The following SALL3 variants were observed in gnomAD, a reference collection of about 807,000 sequenced individuals.
SALL3 encodes sal-like protein 3.
In SALL3, 25 loss-of-function variants were observed where a neutral mutation model predicts 66.2. The ratio of observed to expected loss-of-function variants is 0.38; its 90% confidence interval spans 0.28 to 0.53. The LOEUF is 0.53. Among genes scored for constraint, SALL3 ranks in the 20% least tolerant of loss-of-function variants. SALL3 has a pLI of 0.85. For missense variants in SALL3, 2,194 were observed against 1,916.5 expected, an observed-to-expected ratio of 1.14 and a Z score of -2.70; for synonymous variants, 1,152 against 899.1, an observed-to-expected ratio of 1.28 and a Z score of -5.03.
At position 78,979,954 on chromosome 18, in the gene SALL3, C is replaced by G. The variant is rs1462775341; in HGVS notation, c.-321C>G. Among the ~76,000 whole-genome samples the G allele has an allele frequency of 6.9e-6, 1 of 144,604 alleles. No homozygotes were observed. The highest frequency in any genetic ancestry group is 1.5e-5 in the Non-Finnish European group (1 of 65,148). The allele number at this position is 144,604 out of a possible 152,430, so 94.9% of individuals were successfully genotyped here. ...CCGAGGAGCGCGGCGCCGGAGCCCGCGATGTGAGGCGGCGCCGGGCAGCGC... is the reference window on the plus strand; with the variant it reads ...CCGAGGAGCGCGGCGCCGGAGCCCGGGATGTGAGGCGGCGCCGGGCAGCGC... On this transcript the variant is annotated 5_prime_UTR_variant, in exon 1 of 3. Coordinates refer to ENST00000537592, the MANE Select transcript of SALL3 (RefSeq NM_171999.4).
In SALL3 at chr18:78,996,878, G is replaced by A. The variant is rs369235099; in HGVS notation, c.3472-13G>A. On this transcript the variant is annotated splice_polypyrimidine_tract_variant and intron_variant, in intron 2 of 2. Transcript: ENST00000537592. ...AGGCACTTACTCGTGGGCTGTCTCC[G>A]TGTCTCGCGCAGGTGCACATGGGGA... The A allele has an allele frequency of 8.9e-5, 142 of 1,592,930 alleles. No individual in the cohort carries two copies. The highest frequency in any genetic ancestry group is 3.9e-4 in the Middle Eastern group (2 of 5,118).
Position 78,993,368 on chromosome 18 carries a change from C to A in SALL3, c.1377C>A (p.Thr459=), listed in dbSNP as rs752862996. 1 of 1,612,630 alleles carries A rather than the reference C, an allele frequency of 6.2e-7. No individual in the cohort carries two copies. Among genetic ancestry groups the A allele is most frequent in the Non-Finnish European group, 8.5e-7 (1 of 1,179,854 alleles). ...ACATCTGCGGGAACCGCTTCTCCACCAAAGGCAACCTGAAGGTGCACTTCC... is the reference window on the plus strand; with the variant it reads ...ACATCTGCGGGAACCGCTTCTCCACAAAAGGCAACCTGAAGGTGCACTTCC... The part of the protein sequence containing the change: ...KCNICGNRFS[T]KGNLKVHFQR... The change falls in exon 2 of 3, where the codon ACC becomes ACA. Residue 459 remains threonine (T), a synonymous_variant. Coordinates refer to ENST00000537592, the MANE Select transcript of SALL3 (RefSeq NM_171999.4).
At position 78,992,601 on chromosome 18, in the gene SALL3, C is replaced by A. The variant is rs1184899701; in HGVS notation, c.610C>A (p.Leu204Met). ...GGGVAAAAVP[L>M]ILEQLMALQQ... is the part of the protein sequence containing the mutation. ...AGGCGTGGCAGCTGCAGCCGTGCCC[C>A]TGATCCTGGAACAGCTCATGGCCCT... Residue 204 changes from leucine to methionine, a missense_variant, in exon 2 of 3, where the codon CTG (leucine) becomes ATG (methionine). Physicochemically the swap from Leu to Met is conservative, Grantham distance 15. Coordinates refer to ENST00000537592, the MANE Select transcript of SALL3 (RefSeq NM_171999.4). 1.3e-6 allele frequency: 2 copies of A among 1,541,964 alleles called. No homozygotes were observed. The highest frequency in any genetic ancestry group is 1.2e-5 in the South Asian group (1 of 86,106).
Position 78,994,241 on chromosome 18 carries a change from C to A in SALL3, c.2250C>A (p.Asn750Lys). 6.2e-7 allele frequency: 1 copy of A among 1,613,752 alleles called. No homozygotes were observed. Among genetic ancestry groups the A allele is most frequent in the Non-Finnish European group, 8.5e-7 (1 of 1,179,998 alleles). Residue 750 changes from asparagine to lysine, a missense_variant, in exon 2 of 3, where the codon AAC (asparagine) becomes AAA (lysine). Coordinates refer to ENST00000537592, the MANE Select transcript of SALL3 (RefSeq NM_171999.4). The stretch of plus-strand genomic sequence containing the variant: ...CCATCTGCCAGAAGAAGTTCACCAA[C>A]GCCGTGGTCCTGCAGCAGCACATCC... Reference protein sequence around the residue: ...SCPICQKKFTNAVVLQQHIRM... With the variant: ...SCPICQKKFTKAVVLQQHIRM...
intron 1 of SALL3, among the ~76,000 whole-genome samples, chr18:78,988,756 G>A (rs1181684835): frequency 1.3e-5 from 2 of 152,174 alleles, no homozygotes; most frequent in African/African-American, 4.8e-5. Context: ...TGGGGCACGC[G>A]AGAACAATTG....
At position 78,997,152 on chromosome 18, in the gene SALL3, C is replaced by T. The variant is rs1379784229; in HGVS notation, c.3733C>T (p.Leu1245Phe). ...NGGIPQLPVS[L>F]GGSALPPLGS... ...CGGCATCCCCCAGCTCCCCGTGAGT[C>T]TTGGGGGCAGCGCCCTCCCCCCTCT... is the stretch of plus-strand genomic sequence containing the variant. The change falls in exon 3 of 3, where the codon CTT (leucine) becomes TTT (phenylalanine). Residue 1245 changes from leucine to phenylalanine, a missense_variant. By Grantham distance (22) the Leu-to-Phe change is conservative. Transcript: ENST00000537592. The T allele has an allele frequency of 3.7e-6, 6 of 1,613,906 alleles. No homozygotes were observed. In the African/African-American group the frequency reaches 8.0e-5, roughly 22 times the overall value.
chr18:78,992,436 C>G lies in SALL3; in HGVS notation c.445C>G (p.Pro149Ala), dbSNP rs778464569. 7.3e-5 allele frequency: 100 copies of G among 1,371,230 alleles called. No individual in the cohort carries two copies. Among genetic ancestry groups the G allele is most frequent in the Non-Finnish European group, 9.0e-5 (96 of 1,071,096 alleles). 84.9% of individuals were successfully genotyped at this position (1,371,230 alleles called of 1,614,324 possible). Reference sequence around the variant, plus strand: ...GGACACGCGCGCGCCCCGGCCCCCGCCTGCGGCCCCTGCACCCCCAACGCC... The same window carrying G: ...GGACACGCGCGCGCCCCGGCCCCCGGCTGCGGCCCCTGCACCCCCAACGCC... Reference protein sequence around the residue: ...AGDTRAPRPPPAAPAPPTPAY... With the variant: ...AGDTRAPRPPAAAPAPPTPAY... The change falls in exon 2 of 3, where the codon CCT (proline) becomes GCT (alanine). Residue 149 changes from proline to alanine, a missense_variant. Pro to Ala is a conservative substitution (Grantham distance 27, BLOSUM62 -1). Transcript: ENST00000537592.
rs1394613862 is a variant in SALL3 at position 78,997,994 on chromosome 18, A to G, written c.*672A>G. ...GAAAGATAGCATGCTTTTCGTGTGCAAGTACCTGTCAGTAATAAGCCTTTT... is the reference window on the plus strand; with the variant it reads ...GAAAGATAGCATGCTTTTCGTGTGCGAGTACCTGTCAGTAATAAGCCTTTT... On this transcript the variant is annotated 3_prime_UTR_variant, in exon 3 of 3. Transcript: ENST00000537592. 1 of 150,622 alleles carries G rather than the reference A, an allele frequency of 6.6e-6. No individual in the cohort carries two copies. The highest frequency in any genetic ancestry group is 6.7e-5 in the Admixed American group (1 of 14,920). The allele number at this position is 150,622 out of a possible 1,614,324, so 9.3% of individuals were successfully genotyped here.
Position 78,993,601 on chromosome 18 carries a change from C to T in SALL3, c.1610C>T (p.Ala537Val), listed in dbSNP as rs372096716. ...CAACTGCCGCCCACTGTCCCTGGCGCGCACGGCTACGCCGACTCTCCCAGC... is the reference window on the plus strand; with the variant it reads ...CAACTGCCGCCCACTGTCCCTGGCGTGCACGGCTACGCCGACTCTCCCAGC... ...GLQLPPTVPGAHGYADSPSAT... is the reference protein window; with the variant it reads ...GLQLPPTVPGVHGYADSPSAT... Residue 537 changes from alanine (A) to valine (V), a missense_variant, in exon 2 of 3, where the codon GCG becomes GTG. Transcript: ENST00000537592. 3.2e-6 allele frequency: 5 copies of T among 1,584,990 alleles called. No individual in the cohort carries two copies. The highest frequency in any genetic ancestry group is 1.7e-5 in the Admixed American group (1 of 58,392).
intron 1 of SALL3, 77 bp from the exon 2 acceptor site, chr18:78,991,996 AT>A (rs1308982909): frequency 2.5e-6 from 3 of 1,198,676 alleles, no homozygotes; most frequent in East Asian, 3.0e-5. Flanking sequence ...AATAAAAAAT[AT>A]TGATTTTACT....
At chr18:78,989,830 T>G (rs1371621568) in intron 1 of SALL3, among the ~76,000 whole-genome samples, 1 of 152,236 alleles carries the variant, frequency 6.6e-6, no homozygotes, top group Non-Finnish European at 1.5e-5. Context: ...TTAGTTACAG[T>G]AGTTATTTCT....
Position 78,993,336 on chromosome 18 carries a change from A to G in SALL3, c.1345A>G (p.Lys449Glu). ...LRSHTGERPF[K>E]CNICGNRFST... is the part of the protein sequence containing the mutation. ...CTCGCACACAGGCGAGCGGCCCTTC[A>G]AGTGCAACATCTGCGGGAACCGCTT... Residue 449 changes from lysine to glutamate, a missense_variant, in exon 2 of 3, where the codon AAG becomes GAG. Transcript: ENST00000537592. 1.9e-6 allele frequency: 3 copies of G among 1,612,374 alleles called. No individual in the cohort carries two copies. Among genetic ancestry groups the G allele is most frequent in the Non-Finnish European group, 2.5e-6 (3 of 1,179,864 alleles).
chr18:78,991,571 T>G (rs1733266149), intron 1 of SALL3: 1 of 155,220 alleles, frequency 6.4e-6, no homozygotes, highest in Admixed American at 6.5e-5. Context: ...CTGGAATGTC[T>G]CCGCGCTGCG....
intron 1 of SALL3, among the ~76,000 whole-genome samples, chr18:78,984,052 T>A (rs1239159111): frequency 1.3e-5 from 2 of 152,224 alleles, no homozygotes; most frequent in African/African-American, 4.8e-5. Flanking sequence ...TATCCAATAT[T>A]TTTAGATCTG....
In SALL3 at chr18:78,993,073, C is replaced by T. The variant is rs780120976; in HGVS notation, c.1082C>T (p.Pro361Leu). 2.3e-5 allele frequency: 37 copies of T among 1,595,712 alleles called. No individual in the cohort carries two copies. The highest frequency in any genetic ancestry group is 8.0e-5 in the African/African-American group (6 of 74,614). Residue 361 changes from proline to leucine, a missense_variant, in exon 2 of 3, where the codon CCG becomes CTG. Pro to Leu is a moderately conservative substitution (Grantham distance 98). Transcript: ENST00000537592. ...LLGAAPGLPS[P>L]LLPQTSASGV... ...GGTGCGGCGCCCGGCCTGCCAAGTC[C>T]GCTTCTACCTCAGACTTCCGCCAGC...
At chr18:78,986,460 A>G (rs1914249416) in intron 1 of SALL3, among the ~76,000 whole-genome samples, 1 of 152,234 alleles carries the variant, frequency 6.6e-6, no homozygotes. Flanking sequence ...TGTTAAACAC[A>G]GTAGGGGTCT....
At chr18:78,984,111 C>T (rs564236962) in intron 1 of SALL3, among the ~76,000 whole-genome samples, 25 of 152,268 alleles carry the variant, frequency 1.6e-4, no homozygotes, top group African/African-American at 5.8e-4. Context: ...AATTACTTAG[C>T]AAGCTGATTC....
At position 78,979,913 on chromosome 18, in the gene SALL3, G is replaced by A. The variant is rs972234041; in HGVS notation, c.-362G>A. ...CGCGCCGCACCCGGGCCCCGCCACAGCCGCACCCGGGGCGGCCGAGGAGCG... is the reference window on the plus strand; with the variant it reads ...CGCGCCGCACCCGGGCCCCGCCACAACCGCACCCGGGGCGGCCGAGGAGCG... On this transcript the variant is annotated 5_prime_UTR_variant, in exon 1 of 3. Transcript: ENST00000537592. 4.9e-5 allele frequency among the ~76,000 whole-genome samples: 7 copies of A among 143,554 alleles called. No homozygotes were observed. Among genetic ancestry groups the A allele is most frequent in the Middle Eastern group, 3.6e-3 (1 of 278 alleles). 94.2% of individuals were successfully genotyped at this position (143,554 alleles called of 152,430 possible).
At chr18:78,981,017 C>G (rs955666620) in intron 1 of SALL3, among the ~76,000 whole-genome samples, 2 of 152,214 alleles carry the variant, frequency 1.3e-5, no homozygotes, top group African/African-American at 4.8e-5. Flanking sequence ...CCGGGGCGTT[C>G]GTTGCAGCGT....
Sources: allele counts gnomAD v4.1 joint callset (sites outside exome capture counted in the v4.1 genomes callset), GRCh38; gene constraint gnomAD v4.1.1; transcripts MANE v1.5; gene names NCBI Gene and HGNC (gene_info 2026-07-23, HGNC 2026-07-21).